RTN1: variants seen among roughly 807,000 people sequenced by gnomAD.
RTN1 encodes the protein reticulon 1.
Under a neutral mutation model 65.5 loss-of-function variants are expected in RTN1, and 25 were observed. The ratio of observed to expected loss-of-function variants is 0.38; its 90% CI spans 0.28 to 0.53. The LOEUF is 0.53. RTN1 is among the 20% of genes least tolerant of loss of function. RTN1 has a pLI of 0.79. For missense variants in RTN1, 983 were observed against 1,025.4 expected (o/e 0.96, Z 0.57); for synonymous variants, 471 against 447.6 (o/e 1.05, Z -0.66).
chr14:59,795,536 A>C (rs1886423784), intron 1 of RTN1, among the ~76,000 whole-genome samples: 1 of 152,196 alleles, frequency 6.6e-6, no homozygotes, highest in Non-Finnish European at 1.5e-5. Flanking sequence ...TCCCATCTCT[A>C]TTTATAAAAG....
At chr14:59,828,226 A>G (rs897907067) in intron 1 of RTN1, among the ~76,000 whole-genome samples, 1 of 152,238 alleles carries the variant, frequency 6.6e-6, no homozygotes, top group African/African-American at 2.4e-5. Flanking sequence ...TCTCAAAGGA[A>G]AGCTAAAGAA....
chr14:59,819,295 G>T (rs1301605292), intron 1 of RTN1, among the ~76,000 whole-genome samples: 1 of 150,896 alleles, frequency 6.6e-6, no homozygotes, highest in Admixed American at 6.6e-5. Flanking sequence ...GTTGGGGCTC[G>T]GGTGGCGGGT....
At chr14:59,597,043 A>G (rs1881423119) in intron 8 of RTN1, among the ~76,000 whole-genome samples, 2 of 152,324 alleles carry the variant, frequency 1.3e-5, no homozygotes, top group African/African-American at 4.8e-5. Context: ...AGGTGGAGGA[A>G]CATATTGACT....
chr14:59,709,943 C>T (rs906335640), intron 3 of RTN1, among the ~76,000 whole-genome samples: 8 of 152,044 alleles, frequency 5.3e-5, no homozygotes, highest in East Asian at 1.9e-4. Context: ...AACCATAGGG[C>T]TGAACACCTT....
chr14:59,700,505 A>G (rs1050487468), intron 3 of RTN1, among the ~76,000 whole-genome samples: 1 of 152,202 alleles, frequency 6.6e-6, no homozygotes, highest in African/African-American at 2.4e-5. Context: ...AGATAATATG[A>G]TACTAGCATA....
chr14:59,749,337 T>G (rs1198694316), intron 1 of RTN1, among the ~76,000 whole-genome samples: 1 of 66,698 alleles, frequency 1.5e-5, no homozygotes, highest in Non-Finnish European at 2.3e-5. Context: ...TCTATATATA[T>G]CTATATATAT....
At position 59,794,613 on chromosome 14, in the gene RTN1, G is replaced by A. The variant is rs955662068; in HGVS notation, c.242-48132C>T. Among the ~76,000 whole-genome samples, 6 of 152,146 alleles carry A rather than the reference G, an allele frequency of 3.9e-5. No individual in the cohort carries two copies. Among genetic ancestry groups the A allele is most frequent in the African/African-American group, 7.2e-5 (3 of 41,440 alleles). On this transcript the variant is annotated intron_variant, in intron 1 of 8. Transcript: ENST00000267484. This position sits in a 1 kb window ranked among gnomAD's most constrained non-coding sequence, Gnocchi z 5.1. The stretch of plus-strand genomic sequence containing the variant: ...TCTGCTCCATGGTGTTGGGAGCAAG[G>A]TTCTTTCCATCTTGTTGCCCTGTCA...
chr14:59,738,810 T>C (rs896672117), intron 2 of RTN1, among the ~76,000 whole-genome samples: 4 of 152,212 alleles, frequency 2.6e-5, no homozygotes, highest in African/African-American at 9.6e-5. Context: ...CATGGAATAC[T>C]ATGCATCCAT....
At chr14:59,697,527 T>C (rs1227170006) in intron 3 of RTN1, among the ~76,000 whole-genome samples, 1 of 152,146 alleles carries the variant, frequency 6.6e-6, no homozygotes, top group African/African-American at 2.4e-5. Context: ...GTAATCATAC[T>C]AAAGATAATG....
At chr14:59,811,858 T>A (rs1414010787) in intron 1 of RTN1, among the ~76,000 whole-genome samples, 2 of 152,172 alleles carry the variant, frequency 1.3e-5, no homozygotes, top group Non-Finnish European at 2.9e-5. Context: ...ACTGCACACA[T>A]AAGCATTAAC....
chr14:59,639,031 C>T (rs557756435), intron 3 of RTN1, among the ~76,000 whole-genome samples: 4 of 152,144 alleles, frequency 2.6e-5, no homozygotes, highest in Non-Finnish European at 4.4e-5. Context: ...TCCTTTCACT[C>T]GAACACTTAG....
At chr14:59,797,863 A>G (rs1399320789) in intron 1 of RTN1, among the ~76,000 whole-genome samples, 1 of 152,204 alleles carries the variant, frequency 6.6e-6, no homozygotes, top group East Asian at 1.9e-4. Flanking sequence ...TCTTCATAGC[A>G]TAAGAAATGT....
intron 1 of RTN1, among the ~76,000 whole-genome samples, chr14:59,862,001 A>T (rs1470549000): frequency 6.6e-6 from 1 of 152,140 alleles, no homozygotes. Context: ...TATAATGTGC[A>T]CCTGAGACTT....
intron 1 of RTN1, among the ~76,000 whole-genome samples, chr14:59,804,501 A>T (rs1438046144): frequency 1.3e-5 from 2 of 152,140 alleles, no homozygotes; most frequent in African/African-American, 2.4e-5. Context: ...CGATATTTTT[A>T]AAATATATTT....
rs547661733 is a variant in RTN1, at chr14:59,667,159, A to C, written c.1766-59667T>G. Among the ~76,000 whole-genome samples, 106 of 144,582 alleles carry C rather than the reference A, an allele frequency of 7.3e-4. 1 individual carries two copies. Among genetic ancestry groups the C allele is most frequent in the Admixed American group, 7.2e-4 (10 of 13,868 alleles). 94.9% of individuals were successfully genotyped at this position (144,582 alleles called of 152,430 possible). A position where few individuals can be genotyped will look rare whatever the true frequency, so the allele number is the denominator to read the frequency against. ...AAACCTGGCAAAGACACAACAAAAA[A>C]AGAGAATTTTAGACCAATATCCCTG... On this transcript the variant is annotated intron_variant, in intron 3 of 8. Transcript: ENST00000267484.
At chr14:59,665,219 C>T (rs537560659) in intron 3 of RTN1, among the ~76,000 whole-genome samples, 1 of 152,260 alleles carries the variant, frequency 6.6e-6, no homozygotes, top group Non-Finnish European at 1.5e-5. Context: ...CAAAGGGAAG[C>T]CCAGCAGACT....
chr14:59,669,634 T>G (rs1594667766), intron 3 of RTN1, among the ~76,000 whole-genome samples: 1 of 152,022 alleles, frequency 6.6e-6, no homozygotes, highest in East Asian at 1.9e-4. Flanking sequence ...AAAAAAGAAC[T>G]GTTGCAGCCA....
rs562616872 is a variant in RTN1 at position 59,613,195 on chromosome 14, A to G, written c.1766-5703T>C. ...AAAGTAAAAATATTGGCCACTTGGC[A>G]TGGCTAACATCAGGTAATAAGAAAT... is the stretch of plus-strand genomic sequence containing the variant. On this transcript the variant is annotated intron_variant, in intron 3 of 8. Transcript: ENST00000267484. 3.3e-5 allele frequency among the ~76,000 whole-genome samples: 5 copies of G among 152,376 alleles called. No homozygotes were observed. The South Asian group carries it at 6.2e-4, about 19-fold the overall frequency.
At chr14:59,668,678 C>T (rs75737626) in intron 3 of RTN1, among the ~76,000 whole-genome samples, 1 of 151,872 alleles carries the variant, frequency 6.6e-6, no homozygotes, top group East Asian at 1.9e-4. Flanking sequence ...CCTACAGAAT[C>T]GGAGAAAATT....
Sources: gnomAD v4.1 joint callset for allele counts (sites outside exome capture counted in the v4.1 genomes callset) on GRCh38, gnomAD v4.1.1 for gene constraint, Gnocchi (gnomAD v3.1) non-coding constraint, MANE v1.5 for transcripts, NCBI Gene and HGNC (gene_info 2026-07-23, HGNC 2026-07-21) for gene names.